ZSWIM6: variants seen among roughly 807,000 people sequenced by gnomAD.
ZSWIM6 encodes the protein zinc finger SWIM-type containing 6, also known as zinc finger SWIM domain-containing protein 6.
In ZSWIM6, 9 loss-of-function variants were observed where a neutral mutation model predicts 113.2. The observed-to-expected ratio is 0.08, with a 90% CI of 0.05 to 0.14. The LOEUF (loss-of-function observed/expected upper bound fraction) is 0.14, where lower values mean the gene tolerates loss of function less well. Ranked by LOEUF, ZSWIM6 falls within the 10% of genes least tolerant of loss-of-function variation. The pLI, the probability that ZSWIM6 is intolerant of heterozygous loss-of-function variation, is 1.00. For synonymous variants in ZSWIM6, 611 were observed against 606.5 expected (o/e 1.01, Z -0.11); for missense variants, 1,162 against 1,552.2 (o/e 0.75, Z 4.22).
At chr5:61,400,271 A>AG (rs1401947990) in intron 1 of ZSWIM6, among the ~76,000 whole-genome samples, 1 of 152,154 alleles carries the variant, frequency 6.6e-6, no homozygotes. Context: ...GAATTATGTC[A>AG]GTTCTCTTTC....
At chr5:61,415,683 G>A (rs901110516) in intron 1 of ZSWIM6, among the ~76,000 whole-genome samples, 2 of 151,966 alleles carry the variant, frequency 1.3e-5, no homozygotes, top group East Asian at 1.9e-4. Flanking sequence ...CCATATAAAG[G>A]TTCTGGGCCC....
In ZSWIM6 at chr5:61,374,213, C is replaced by T. The variant is rs146178612; in HGVS notation, c.676+41265C>T. Among the ~76,000 whole-genome samples, 80 of 152,228 alleles carry T rather than the reference C, an allele frequency of 5.3e-4. No homozygotes were observed. In the East Asian group the frequency reaches 0.015, roughly 29 times the overall value. On this transcript the variant is annotated intron_variant, in intron 1 of 13. Transcript: ENST00000252744. ...ATATGTTCAAAAGAAAAGATTTTTC[C>T]GGATCATCTGTAGAGGTCTTTTTAA...
At chr5:61,476,565 G>A (rs1246476324) in intron 2 of ZSWIM6, among the ~76,000 whole-genome samples, 1 of 152,136 alleles carries the variant, frequency 6.6e-6, no homozygotes, top group African/African-American at 2.4e-5. Context: ...GGCCCACCAA[G>A]GAGATTGCCA....
At chr5:61,402,558 A>G (rs1745959645) in intron 1 of ZSWIM6, among the ~76,000 whole-genome samples, 1 of 152,116 alleles carries the variant, frequency 6.6e-6, no homozygotes, top group African/African-American at 2.4e-5. Flanking sequence ...AACAGGAAGT[A>G]CTATGTCCAG....
chr5:61,494,980 A>C (rs1042898641), intron 4 of ZSWIM6, among the ~76,000 whole-genome samples: 1 of 152,210 alleles, frequency 6.6e-6, no homozygotes, highest in Non-Finnish European at 1.5e-5. Flanking sequence ...AGTCATGTTC[A>C]TTAAAAGAAT....
At chr5:61,366,928 A>C (rs1367066240) in intron 1 of ZSWIM6, among the ~76,000 whole-genome samples, 3 of 105,162 alleles carry the variant, frequency 2.9e-5, no homozygotes, top group Non-Finnish European at 6.9e-5. Context: ...CTGCTGTCTC[A>C]AAAAAAAAAA....
chr5:61,395,604 TGG>T (rs1745821474), intron 1 of ZSWIM6, among the ~76,000 whole-genome samples: 1 of 148,794 alleles, frequency 6.7e-6, no homozygotes, highest in African/African-American at 2.6e-5. Flanking sequence ...TAAAACAAAA[TGG>T]ATATCAAAAA....
At chr5:61,467,955 A>G (rs1044945764) in intron 1 of ZSWIM6, among the ~76,000 whole-genome samples, 1 of 152,210 alleles carries the variant, frequency 6.6e-6, no homozygotes, top group Non-Finnish European at 1.5e-5. Flanking sequence ...TTAGAAAAAG[A>G]AAGTGTTATG....
intron 5 of ZSWIM6, among the ~76,000 whole-genome samples, chr5:61,524,043 G>A (rs190777748): frequency 8.5e-5 from 13 of 152,202 alleles, no homozygotes; most frequent in African/African-American, 2.4e-4. Context: ...TTAAAGTCTC[G>A]TTTTAGTTTT....
chr5:61,397,691 A>G (rs182045968), intron 1 of ZSWIM6, among the ~76,000 whole-genome samples: 3 of 152,334 alleles, frequency 2.0e-5, no homozygotes, highest in Non-Finnish European at 4.4e-5. Context: ...TTTAGCATAG[A>G]AGTAATCTTC....
intron 1 of ZSWIM6, among the ~76,000 whole-genome samples, chr5:61,409,401 C>G (rs1335933605): frequency 1.3e-5 from 2 of 151,802 alleles, no homozygotes; most frequent in Non-Finnish European, 2.9e-5. Context: ...AGCAAAAGAT[C>G]AAAAAAGGAG....
At chr5:61,356,794 TA>T (rs1185720165) in intron 1 of ZSWIM6, among the ~76,000 whole-genome samples, 2 of 141,790 alleles carry the variant, frequency 1.4e-5, no homozygotes, top group Non-Finnish European at 3.0e-5. Context: ...ATTTTATATA[TA>T]ATATAAATAT....
At chr5:61,369,812 T>C (rs2112065961) in intron 1 of ZSWIM6, among the ~76,000 whole-genome samples, 1 of 152,322 alleles carries the variant, frequency 6.6e-6, no homozygotes, top group Non-Finnish European at 1.5e-5. Context: ...TGTTAAGATT[T>C]GCAATATTAC....
At chr5:61,502,929 G>A (rs534970002) in intron 4 of ZSWIM6, among the ~76,000 whole-genome samples, 5 of 151,970 alleles carry the variant, frequency 3.3e-5, no homozygotes, top group Non-Finnish European at 7.4e-5. Flanking sequence ...GTACTCATAC[G>A]TGGAAAAATT....
At chr5:61,535,462 T>C in intron 9 of ZSWIM6, 22 bp from the exon 10 acceptor site, 2 of 1,549,474 alleles carry the variant, frequency 1.3e-6, no homozygotes, top group Non-Finnish European at 8.7e-7. Context: ...GAACGTAAAA[T>C]GTGTATGCTC....
At chr5:61,413,012 A>C (rs1182036470) in intron 1 of ZSWIM6, among the ~76,000 whole-genome samples, 1 of 139,554 alleles carries the variant, frequency 7.2e-6, no homozygotes, top group Non-Finnish European at 1.6e-5. Context: ...TTTTTTCCTT[A>C]TTTTTTCTTT....
Position 61,387,041 on chromosome 5 carries a change from A to G in ZSWIM6, c.676+54093A>G, listed in dbSNP as rs184767884. Among the ~76,000 whole-genome samples the G allele has an allele frequency of 8.7e-4, 132 of 152,278 alleles. 1 individual carries two copies. Among genetic ancestry groups the G allele is most frequent in the Non-Finnish European group, 1.5e-3 (100 of 68,028 alleles). On this transcript the variant is annotated intron_variant, in intron 1 of 13. Coordinates refer to ENST00000252744, the MANE Select transcript of ZSWIM6 (RefSeq NM_020928.2). ...TTATGATATTGATAATGAGCATTCT[A>G]TAGAGTTCAAAAGGACTTGTTCTGA... is the stretch of plus-strand genomic sequence containing the variant.
At chr5:61,526,421 A>G (rs1229940921) in intron 7 of ZSWIM6, 25 bp downstream of exon 7, 7 of 1,551,452 alleles carry the variant, frequency 4.5e-6, no homozygotes, top group Non-Finnish European at 4.4e-6. Flanking sequence ...GTTTGTTTCC[A>G]TTGGAATGGG....
chr5:61,457,022 A>G lies in ZSWIM6; in HGVS notation c.677-15659A>G, dbSNP rs547927240. Among the ~76,000 whole-genome samples, 7 of 151,852 alleles carry G rather than the reference A, an allele frequency of 4.6e-5. No homozygotes were observed. In the South Asian group the frequency reaches 8.3e-4, roughly 18 times the overall value. On this transcript the variant is annotated intron_variant, in intron 1 of 13. Coordinates refer to ENST00000252744, the MANE Select transcript of ZSWIM6 (RefSeq NM_020928.2). ...TGCACCCACTAACTCGTCATCTAGC[A>G]TTAGGTATATCTCCCAATGCTATCC...
Sources: gnomAD v4.1 joint callset for allele counts (sites outside exome capture counted in the v4.1 genomes callset) on GRCh38, gnomAD v4.1.1 for gene constraint, MANE v1.5 for transcripts, NCBI Gene and HGNC (gene_info 2026-07-23, HGNC 2026-07-21) for gene names.